Variants in MCMBP observed in about 807,000 individuals in gnomAD.
The protein encoded by MCMBP is mini-chromosome maintenance complex-binding protein.
Under a neutral mutation model 81.3 loss-of-function variants are expected in MCMBP, and 31 were observed. The observed-to-expected ratio is 0.38, with a 90% confidence interval of 0.29 to 0.51. MCMBP has a LOEUF of 0.51. Among genes scored for constraint, MCMBP ranks in the 20% least tolerant of loss-of-function variants. The pLI, the probability that MCMBP is intolerant of heterozygous loss-of-function variation, is 0.87. For synonymous variants in MCMBP, 267 were observed against 275.9 expected (o/e 0.97, Z 0.32); for missense variants, 645 against 772.1 (o/e 0.84, Z 1.95).
At chr10:119,838,378 G>C (rs1852324690) in intron 12 of MCMBP, among the ~76,000 whole-genome samples, 157 bp downstream of exon 12, 1 of 151,462 alleles carries the variant, frequency 6.6e-6, no homozygotes, top group African/African-American at 2.4e-5. Flanking sequence ...TATATAATTA[G>C]TTTATAACAT....
chr10:119,834,197 T>C (rs1173758480), intron 14 of MCMBP, among the ~76,000 whole-genome samples: 2 of 152,188 alleles, frequency 1.3e-5, no homozygotes, highest in Admixed American at 6.5e-5. Flanking sequence ...CCCAAACTTG[T>C]TGAAAACTTC....
intron 6 of MCMBP, 125 bp from the exon 7 acceptor site, chr10:119,849,701 T>A: frequency 1.2e-6 from 1 of 837,190 alleles, no homozygotes. Context: ...TTCAAGTTGT[T>A]ACAGTTTTTA....
At position 119,832,068 on chromosome 10, in the gene MCMBP, C is replaced by A. The variant is rs780816598; in HGVS notation, c.1740G>T (p.Lys580Asn). 4.3e-6 allele frequency: 7 copies of A among 1,613,118 alleles called. No individual in the cohort carries two copies. The highest frequency in any genetic ancestry group is 5.9e-6 in the Non-Finnish European group (7 of 1,179,788). Reference sequence around the variant, plus strand: ...CAGCAGTGATGCTCTGAGGGTCGTTCTTCCGCATTTCCACAAAGTCATCTT... The same window carrying A: ...CAGCAGTGATGCTCTGAGGGTCGTTATTCCGCATTTCCACAAAGTCATCTT... Reference protein sequence around the residue: ...AVEDDFVEMRKNDPQSITADD... With the variant: ...AVEDDFVEMRNNDPQSITADD... The change falls in exon 15 of 16, where the codon AAG becomes AAT. Residue 580 changes from lysine to asparagine, a missense_variant. By Grantham distance (94) the Lys-to-Asn change is moderately conservative (BLOSUM62 0). Coordinates refer to ENST00000369077, the MANE Select transcript of MCMBP (RefSeq NM_001256378.2).
chr10:119,841,824 T>C (rs1852443661), intron 10 of MCMBP, among the ~76,000 whole-genome samples: 1 of 152,254 alleles, frequency 6.6e-6, no homozygotes, highest in Admixed American at 6.5e-5. Flanking sequence ...AACGTGCACA[T>C]GACGTGGGCG....
chr10:119,872,395 G>T, intron 1 of MCMBP, 132 bp downstream of exon 1: 1 of 381,240 alleles, frequency 2.6e-6, no homozygotes, highest in Non-Finnish European at 4.1e-6. Context: ...GCCGGTGCAG[G>T]CCCCGGGGCC....
intron 1 of MCMBP, among the ~76,000 whole-genome samples, chr10:119,861,751 T>C (rs1440363324): frequency 2.0e-5 from 3 of 152,146 alleles, no homozygotes; most frequent in Non-Finnish European, 4.4e-5. Flanking sequence ...AATTTTCTTT[T>C]TTCAGGCAGG....
intron 2 of MCMBP, 146 bp from the exon 3 acceptor site, chr10:119,859,327 A>G: frequency 1.5e-6 from 1 of 647,488 alleles, no homozygotes. Context: ...CAGAGAGCCA[A>G]ATGATCTCAA....
intron 11 of MCMBP, among the ~76,000 whole-genome samples, chr10:119,839,506 T>C (rs1852359581): frequency 6.6e-6 from 1 of 152,184 alleles, no homozygotes; most frequent in Non-Finnish European, 1.5e-5. Flanking sequence ...GGTGCTTAAA[T>C]GACCTACCAT....
chr10:119,846,991 T>A (rs1194603032), intron 8 of MCMBP, among the ~76,000 whole-genome samples: 1 of 151,896 alleles, frequency 6.6e-6, no homozygotes, highest in African/African-American at 2.4e-5. Context: ...TTTAGGTTTA[T>A]GTTTTGTAAA....
chr10:119,847,669 C>T lies in MCMBP; in HGVS notation c.771G>A (p.Glu257=). 1.2e-6 allele frequency: 2 copies of T among 1,611,936 alleles called. No individual in the cohort carries two copies. The highest frequency in any genetic ancestry group is 4.5e-5 in the East Asian group (2 of 44,794). ...WDCFKVNDIL[E]LYGILSVDPV... is the part of the protein sequence containing the mutation. ...GATCCACAGACAGTATGCCATATAG[C>T]TCAAGAATGTCATTTACTTTGAAAC... The change falls in exon 8 of 16, where the codon GAG becomes GAA. Residue 257 remains glutamate, a synonymous_variant. Transcript: ENST00000369077.
At chr10:119,835,214 G>T (rs1170448867) in intron 14 of MCMBP, among the ~76,000 whole-genome samples, 1 of 152,120 alleles carries the variant, frequency 6.6e-6, no homozygotes, top group African/African-American at 2.4e-5. Context: ...AATTAAAATG[G>T]CATTAGCCAC....
chr10:119,850,390 T>C (rs1011109344), intron 6 of MCMBP, among the ~76,000 whole-genome samples: 4 of 152,140 alleles, frequency 2.6e-5, no homozygotes, highest in African/African-American at 9.7e-5. Flanking sequence ...ATGAGAGATC[T>C]GGGTAATGAA....
At chr10:119,842,780 T>TTG in intron 9 of MCMBP, 185 bp from the exon 10 acceptor site, 1 of 576,746 alleles carries the variant, frequency 1.7e-6, no homozygotes, top group South Asian at 2.2e-5. Flanking sequence ...TTTTTTTTTT[T>TTG]TGAGACCAAG....
intron 5 of MCMBP, 135 bp from the exon 6 acceptor site, chr10:119,853,329 G>C (rs1027858659): frequency 3.5e-6 from 3 of 849,482 alleles, no homozygotes; most frequent in African/African-American, 3.4e-5. Context: ...AAGGAGGCTA[G>C]ACTTCCAGTT....
intron 14 of MCMBP, among the ~76,000 whole-genome samples, chr10:119,832,447 A>T (rs1852083654): frequency 6.6e-6 from 1 of 152,198 alleles, no homozygotes; most frequent in Non-Finnish European, 1.5e-5. Context: ...AACTAGAAAT[A>T]AAACCATACT....
intron 1 of MCMBP, among the ~76,000 whole-genome samples, chr10:119,872,027 G>C (rs565196652): frequency 1.3e-5 from 2 of 152,222 alleles, no homozygotes; most frequent in Admixed American, 1.3e-4. Flanking sequence ...CTGAAAGAGA[G>C]AATGAGGGTA....
At chr10:119,837,084 C>A in intron 12 of MCMBP, 55 bp from the exon 13 acceptor site, 2 of 1,570,186 alleles carry the variant, frequency 1.3e-6, no homozygotes, top group Non-Finnish European at 1.7e-6. Context: ...CTAAACACAT[C>A]AGTTTTGCTG....
intron 14 of MCMBP, 110 bp downstream of exon 14, chr10:119,835,430 A>T (rs12775587): frequency 1.0e-6 from 1 of 993,580 alleles, no homozygotes; most frequent in Non-Finnish European, 1.5e-6. Flanking sequence ...AAAAAAAGAC[A>T]TGACAGAAAA....
chr10:119,843,078 A>G, intron 9 of MCMBP, 176 bp downstream of exon 9: 2 of 684,134 alleles, frequency 2.9e-6, no homozygotes, highest in Admixed American at 2.2e-5. Flanking sequence ...TCCTCATTTC[A>G]GTGAAGAGAA....
Sources: allele counts gnomAD v4.1 joint callset (sites outside exome capture counted in the v4.1 genomes callset), GRCh38; gene constraint gnomAD v4.1.1; transcripts MANE v1.5; gene names NCBI Gene and HGNC (gene_info 2026-07-23, HGNC 2026-07-21).